The following ABCC4 variants were observed in gnomAD, a reference collection of about 807,000 sequenced individuals.
ABCC4 encodes the protein ATP binding cassette subfamily C member 4 (PEL blood group), also known as ATP-binding cassette sub-family C member 4.
A neutral mutation model predicts 168.5 loss-of-function variants in ABCC4; 102 were observed. The ratio of observed to expected loss-of-function variants is 0.61; its 90% CI spans 0.52 to 0.71. The LOEUF (loss-of-function observed/expected upper bound fraction) is 0.71. ABCC4 is among the 30% of genes least tolerant of loss of function. The pLI, the probability that ABCC4 is intolerant of heterozygous loss-of-function variation, is 0.00. For missense variants in ABCC4, 1,402 were observed against 1,605.8 expected (o/e 0.87, Z 2.17); for synonymous variants, 617 against 590.7 (o/e 1.04, Z -0.65).
chr13:95,021,892 G>A (rs2031106194), intron 30 of ABCC4, among the ~76,000 whole-genome samples: 1 of 152,136 alleles, frequency 6.6e-6, no homozygotes, highest in African/African-American at 2.4e-5. Context: ...CAAACAACCT[G>A]TAGATCCATT....
At chr13:95,238,413 C>G (rs1317247537) in intron 3 of ABCC4, among the ~76,000 whole-genome samples, 3 of 152,120 alleles carry the variant, frequency 2.0e-5, no homozygotes, top group African/African-American at 7.2e-5. Flanking sequence ...ACCCATCCCC[C>G]ACATTTAGGG....
intron 1 of ABCC4, among the ~76,000 whole-genome samples, chr13:95,254,378 A>G (rs1163856083): frequency 4.0e-5 from 6 of 150,710 alleles, no homozygotes; most frequent in Non-Finnish European, 8.8e-5. Flanking sequence ...AAAAAACACA[A>G]AAAACATTGC....
intron 1 of ABCC4, among the ~76,000 whole-genome samples, chr13:95,258,610 A>G (rs2138842782): frequency 6.6e-6 from 1 of 152,278 alleles, no homozygotes; most frequent in African/African-American, 2.4e-5. Flanking sequence ...AAGCTCTCTG[A>G]GGGCAGGATT....
intron 19 of ABCC4, among the ~76,000 whole-genome samples, chr13:95,126,592 C>A (rs995543842): frequency 2.0e-5 from 3 of 151,392 alleles, no homozygotes; most frequent in Non-Finnish European, 4.4e-5. Flanking sequence ...AACAGATCAA[C>A]CAACACCCAA....
intron 30 of ABCC4, among the ~76,000 whole-genome samples, chr13:95,024,409 T>A (rs2031281798): frequency 6.6e-6 from 1 of 152,082 alleles, no homozygotes; most frequent in African/African-American, 2.4e-5. Context: ...CTCTTGAGTT[T>A]GCTCCATTAT....
rs747434414 is a variant in ABCC4, at chr13:95,247,677, C to T, written c.151G>A (p.Asp51Asn). 2 of 1,614,074 alleles carry T rather than the reference C, an allele frequency of 1.2e-6. No individual in the cohort carries two copies. The highest frequency in any genetic ancestry group is 2.2e-5 in the South Asian group (2 of 91,076). The change falls in exon 2 of 31, where the codon GAC becomes AAC. Residue 51 changes from aspartate to asparagine, a missense_variant. Transcript: ENST00000645237. Reference sequence around the variant, plus strand: ...TCCTCTCCAAGGTGCTGTGAGCGGTCTTCTGGCAGCACTGAATACATATCA... The same window carrying T: ...TCCTCTCCAAGGTGCTGTGAGCGGTTTTCTGGCAGCACTGAATACATATCA... Reference protein sequence around the residue: ...EDDMYSVLPEDRSQHLGEELQ... With the variant: ...EDDMYSVLPENRSQHLGEELQ...
chr13:95,060,906 C>A (rs1248519851), intron 26 of ABCC4, among the ~76,000 whole-genome samples: 1 of 152,162 alleles, frequency 6.6e-6, no homozygotes, highest in Non-Finnish European at 1.5e-5. Flanking sequence ...CCCAACCCCC[C>A]ACCTTCCCTC....
chr13:95,166,028 A>G, intron 15 of ABCC4, 130 bp downstream of exon 15: 1 of 861,354 alleles, frequency 1.2e-6, no homozygotes, highest in Non-Finnish European at 1.8e-6. Context: ...AATATCATGG[A>G]ATAGAGCCCT....
At position 95,133,809 on chromosome 13, in the gene ABCC4, G is replaced by T. The variant is rs143617973; in HGVS notation, c.2456-17808C>A. Among the ~76,000 whole-genome samples the T allele has an allele frequency of 6.2e-3, 952 of 152,328 alleles. 11 individuals are homozygous for T. Among genetic ancestry groups the T allele is most frequent in the African/African-American group, 0.022 (911 of 41,572 alleles). On this transcript the variant is annotated intron_variant, in intron 19 of 30. Transcript: ENST00000645237. ...AGCCACCTTATGCAGAGAAGAAAAG[G>T]AGAATGAAGAGGATGTGGGTAAGCA...
At chr13:95,188,069 A>G (rs911271704) in intron 10 of ABCC4, among the ~76,000 whole-genome samples, 2 of 152,244 alleles carry the variant, frequency 1.3e-5, no homozygotes, top group African/African-American at 4.8e-5. Flanking sequence ...ATATCAAAAC[A>G]TGTTTAAAGC....
At chr13:95,120,146 G>GTCA (rs71111591) in intron 19 of ABCC4, among the ~76,000 whole-genome samples, 1 of 151,926 alleles carries the variant, frequency 6.6e-6, no homozygotes, top group African/African-American at 2.4e-5. Context: ...ATGGTCTTAG[G>GTCA]TGCCACATCT....
chr13:95,234,980 T>A (rs2039726023), intron 3 of ABCC4, 146 bp from the exon 4 acceptor site: 1 of 640,534 alleles, frequency 1.6e-6, no homozygotes, highest in African/African-American at 1.8e-5. Flanking sequence ...AGCCTCGAAC[T>A]CCCTAACTCA....
At chr13:95,159,202 AC>A (rs1391030426) in intron 19 of ABCC4, among the ~76,000 whole-genome samples, 9 of 143,346 alleles carry the variant, frequency 6.3e-5, no homozygotes, top group African/African-American at 2.3e-4. Flanking sequence ...TGTATCCTTC[AC>A]CATTGTAAAA....
chr13:95,073,234 A>T lies in ABCC4; in HGVS notation c.2988T>A (p.Cys996Ter). The T allele has an allele frequency of 6.2e-7, 1 of 1,613,958 alleles. No individual in the cohort carries two copies. Residue 996 changes from cysteine to a stop codon, truncating the protein, a stop_gained, in exon 24 of 31, where the codon TGT (cysteine) becomes TGA (stop). Coordinates refer to ENST00000645237, the MANE Select transcript of ABCC4 (RefSeq NM_005845.5). LOFTEE classifies it high-confidence loss of function. ...ALTLMGMFQWCVRQSAEVENM... is the reference protein window; with the variant it reads ...ALTLMGMFQW ...TCTCAACTTCAGCACTTTGTCGAAC[A>T]CACCACTGAAACATCCCCATGAGCG...
chr13:95,094,243 C>G (rs2034521197), intron 20 of ABCC4, among the ~76,000 whole-genome samples: 1 of 151,958 alleles, frequency 6.6e-6, no homozygotes, highest in East Asian at 1.9e-4. Flanking sequence ...TCAAACAGAA[C>G]AAATCTGGAG....
At chr13:95,228,339 G>A (rs1175689626) in intron 4 of ABCC4, among the ~76,000 whole-genome samples, 1 of 152,150 alleles carries the variant, frequency 6.6e-6, no homozygotes, top group African/African-American at 2.4e-5. Flanking sequence ...GACTTGGGAA[G>A]GGTGCACAAG....
At chr13:95,249,169 T>C (rs1302876849) in intron 1 of ABCC4, among the ~76,000 whole-genome samples, 1 of 151,348 alleles carries the variant, frequency 6.6e-6, no homozygotes, top group East Asian at 1.9e-4. Flanking sequence ...TGCAGTGAGC[T>C]GTGATCGCCA....
intron 8 of ABCC4, among the ~76,000 whole-genome samples, chr13:95,199,343 T>C (rs140257531): frequency 3.9e-4 from 59 of 152,222 alleles, no homozygotes; most frequent in African/African-American, 1.2e-3. Context: ...AAAGTGAACA[T>C]TGGATCAATT....
At chr13:95,171,578 A>G (rs2037478724) in intron 13 of ABCC4, among the ~76,000 whole-genome samples, 1 of 151,824 alleles carries the variant, frequency 6.6e-6, no homozygotes, top group South Asian at 2.1e-4. Context: ...AGGAGAAAAA[A>G]AAAAAAGAAA....
Sources: gnomAD v4.1 joint callset for allele counts (sites outside exome capture counted in the v4.1 genomes callset) on GRCh38, gnomAD v4.1.1 for gene constraint, MANE v1.5 for transcripts, NCBI Gene and HGNC (gene_info 2026-07-23, HGNC 2026-07-21) for gene names.